ITPK1: variants seen among roughly 807,000 people sequenced by gnomAD.
The protein encoded by ITPK1 is inositol-tetrakisphosphate 1-kinase.
A neutral mutation model predicts 45.3 loss-of-function variants in ITPK1; 21 were observed. The observed-to-expected ratio is 0.46, with a 90% CI of 0.33 to 0.67. The LOEUF is 0.67. Among genes scored for constraint, ITPK1 ranks in the 30% least tolerant of loss-of-function variants. The pLI is 0.02. For synonymous variants in ITPK1, 258 were observed against 253.6 expected (o/e 1.02, Z -0.16); for missense variants, 474 against 573.5 (o/e 0.83, Z 1.77).
intron 5 of ITPK1, among the ~76,000 whole-genome samples, chr14:92,975,481 A>T (rs559556800): frequency 1.3e-5 from 2 of 152,272 alleles, no homozygotes; most frequent in East Asian, 3.9e-4. Flanking sequence ...TAGAGCCTAG[A>T]ACACAGCAGG....
chr14:92,978,573 G>T (rs1886066670), intron 5 of ITPK1, among the ~76,000 whole-genome samples: 1 of 151,948 alleles, frequency 6.6e-6, no homozygotes. Flanking sequence ...TGTGGGCTGG[G>T]CTCAGGGCCC....
rs1452835047 is a variant in ITPK1, at chr14:93,053,251, C to A, written c.120+23344G>T. ...TACAGATGTGGATTCTCAGCCCCCTCAGACCTACTGGTTCAGAGACCCTGG... is the reference window on the plus strand; with the variant it reads ...TACAGATGTGGATTCTCAGCCCCCTAAGACCTACTGGTTCAGAGACCCTGG... On this transcript the variant is annotated intron_variant, in intron 3 of 10. Transcript: ENST00000267615. Among the ~76,000 whole-genome samples, 3 of 152,236 alleles carry A rather than the reference C, an allele frequency of 2.0e-5. No homozygotes were observed. The East Asian group carries it at 5.8e-4, about 29-fold the overall frequency.
chr14:93,100,570 G>C (rs567871710), intron 2 of ITPK1, among the ~76,000 whole-genome samples: 51 of 151,124 alleles, frequency 3.4e-4, no homozygotes, highest in African/African-American at 1.2e-3. Context: ...GAGAGAGAGA[G>C]AGACAGACAG....
intron 3 of ITPK1, among the ~76,000 whole-genome samples, chr14:93,020,319 A>T (rs138044650): frequency 6.6e-4 from 100 of 152,284 alleles, no homozygotes; most frequent in African/African-American, 2.1e-3. Flanking sequence ...CTCTCCCAGG[A>T]TCTGGAACTG....
intron 3 of ITPK1, among the ~76,000 whole-genome samples, chr14:93,059,029 T>C (rs917967242): frequency 2.3e-4 from 1 of 4,294 alleles, no homozygotes; most frequent in East Asian, 6.2e-3. Flanking sequence ...GAAGCAGGGG[T>C]GGAGGGGGTG....
chr14:92,965,520 T>C (rs1176943681), intron 5 of ITPK1, among the ~76,000 whole-genome samples: 1 of 152,142 alleles, frequency 6.6e-6, no homozygotes, highest in African/African-American at 2.4e-5. Flanking sequence ...TGAAACAGCA[T>C]ACAGAGTGGA....
At chr14:92,964,082 G>T (rs1885223578) in intron 5 of ITPK1, among the ~76,000 whole-genome samples, 1 of 152,144 alleles carries the variant, frequency 6.6e-6, no homozygotes, top group Non-Finnish European at 1.5e-5. Context: ...ATTACACAGG[G>T]CATATAAAAT....
intron 9 of ITPK1, among the ~76,000 whole-genome samples, chr14:92,951,346 C>T (rs1390192325): frequency 6.6e-6 from 1 of 152,180 alleles, no homozygotes; most frequent in East Asian, 1.9e-4. Context: ...GGGTCAAACC[C>T]CAGCCTTGCA....
At chr14:92,946,172 C>T (rs771723410) in intron 10 of ITPK1, among the ~76,000 whole-genome samples, 159 bp downstream of exon 10, 11 of 152,250 alleles carry the variant, frequency 7.2e-5, no homozygotes, top group Non-Finnish European at 1.5e-4. Flanking sequence ...AAGCCCATCG[C>T]GCAGGTGAGG....
chr14:93,048,210 A>T (rs1402823099), intron 3 of ITPK1, among the ~76,000 whole-genome samples: 1 of 152,260 alleles, frequency 6.6e-6, no homozygotes, highest in Non-Finnish European at 1.5e-5. Flanking sequence ...CATTTCTGAC[A>T]TCGATGGTAG....
intron 8 of ITPK1, among the ~76,000 whole-genome samples, chr14:92,956,609 A>T (rs1399095669): frequency 2.0e-5 from 3 of 152,214 alleles, no homozygotes; most frequent in Non-Finnish European, 2.9e-5. Context: ...AAAAAGGAGA[A>T]AACAGAAAAA....
intron 2 of ITPK1, among the ~76,000 whole-genome samples, chr14:93,104,354 T>C (rs919401985): frequency 6.6e-6 from 1 of 151,980 alleles, no homozygotes; most frequent in African/African-American, 2.4e-5. Flanking sequence ...CTGGGTGTGA[T>C]GGCGGGTGCC....
chr14:93,012,653 G>A lies in ITPK1; in HGVS notation c.246+4023C>T, dbSNP rs1460014336. Among the ~76,000 whole-genome samples, 4 of 152,150 alleles carry A rather than the reference G, an allele frequency of 2.6e-5. No homozygotes were observed. Among genetic ancestry groups the A allele is most frequent in the African/African-American group, 7.2e-5 (3 of 41,422 alleles). ...GGCCTCTCCTCCTGGCCAGGAGCTC[G>A]CGGGCAGGGCACCCAGCAGTGCTGC... is the stretch of plus-strand genomic sequence containing the variant. On this transcript the variant is annotated intron_variant, in intron 4 of 10. Coordinates refer to ENST00000267615, the MANE Select transcript of ITPK1 (RefSeq NM_014216.6). The surrounding 1 kb of genome is among the most constrained non-coding windows in gnomAD (Gnocchi z 4.9).
intron 9 of ITPK1, 132 bp from the exon 10 acceptor site, chr14:92,946,625 G>C: frequency 1.1e-6 from 1 of 905,840 alleles, no homozygotes; most frequent in Non-Finnish European, 1.7e-6. Flanking sequence ...CAGACCTACT[G>C]TGGTGAGCAC....
At chr14:93,007,613 C>A (rs939172796) in intron 4 of ITPK1, among the ~76,000 whole-genome samples, 2 of 152,202 alleles carry the variant, frequency 1.3e-5, no homozygotes, top group African/African-American at 2.4e-5. Context: ...GGGCTCCTCA[C>A]CTCTGCATCC....
At chr14:93,078,523 A>G (rs1891318340) in intron 2 of ITPK1, among the ~76,000 whole-genome samples, 2 of 152,162 alleles carry the variant, frequency 1.3e-5, no homozygotes, top group South Asian at 4.1e-4. Flanking sequence ...ACCCTGGTTG[A>G]GGCATTCAGG....
chr14:92,997,143 G>A (rs1430583102), intron 4 of ITPK1, among the ~76,000 whole-genome samples: 3 of 152,170 alleles, frequency 2.0e-5, no homozygotes, highest in Non-Finnish European at 4.4e-5. Context: ...GCCAACAGCC[G>A]AGCACGTGGA....
intron 3 of ITPK1, among the ~76,000 whole-genome samples, chr14:93,062,565 C>T (rs1890572999): frequency 6.6e-6 from 1 of 152,068 alleles, no homozygotes; most frequent in African/African-American, 2.4e-5. Flanking sequence ...TAGGGAGTAA[C>T]ACATTTTGTT....
chr14:92,941,724 C>G lies in ITPK1; in HGVS notation c.1082G>C (p.Cys361Ser). Reference sequence around the variant, plus strand: ...GTCCTGGCCCATCATGCTGCCGCAGCAGCCGGGGCTGGCGCTGCATGTCCG... The same window carrying G: ...GTCCTGGCCCATCATGCTGCCGCAGGAGCCGGGGCTGGCGCTGCATGTCCG... ...GERTCSASPG[C>S]CGSMMGQDAP... is the part of the protein sequence containing the mutation. The change falls in exon 11 of 11, where the codon TGC (cysteine) becomes TCC (serine). Residue 361 changes from cysteine to serine, a missense_variant. Coordinates refer to ENST00000267615, the MANE Select transcript of ITPK1 (RefSeq NM_014216.6). 6.3e-7 allele frequency: 1 copy of G among 1,584,676 alleles called. No individual in the cohort carries two copies. The highest frequency in any genetic ancestry group is 8.6e-7 in the Non-Finnish European group (1 of 1,167,524).
Sources: allele counts gnomAD v4.1 joint callset (sites outside exome capture counted in the v4.1 genomes callset), GRCh38; gene constraint gnomAD v4.1.1; non-coding constraint Gnocchi (gnomAD v3.1); transcripts MANE v1.5; gene names NCBI Gene and HGNC (gene_info 2026-07-23, HGNC 2026-07-21).